KCNH1: variants seen among roughly 807,000 people sequenced by gnomAD.
The protein encoded by KCNH1 is voltage-gated delayed rectifier potassium channel KCNH1.
In KCNH1, 27 loss-of-function variants were observed where a neutral mutation model predicts 69.2. The observed-to-expected ratio is 0.39, with a 90% confidence interval of 0.29 to 0.54. The LOEUF (loss-of-function observed/expected upper bound fraction) is 0.54. Ranked by LOEUF, KCNH1 falls within the 20% of genes least tolerant of loss-of-function variation. The pLI is 0.68. For missense variants in KCNH1, 798 were observed against 1,261.6 expected (o/e 0.63, Z 5.57); for synonymous variants, 456 against 487.7 (o/e 0.93, Z 0.86).
intron 10 of KCNH1, among the ~76,000 whole-genome samples, chr1:210,774,757 C>A (rs1202038975): frequency 6.6e-6 from 1 of 152,122 alleles, no homozygotes; most frequent in East Asian, 1.9e-4. Context: ...GTGAAAGAAA[C>A]AATTTCAGGT....
At chr1:211,126,502 T>C (rs1223389638) in intron 1 of KCNH1, among the ~76,000 whole-genome samples, 2 of 142,474 alleles carry the variant, frequency 1.4e-5, no homozygotes, top group African/African-American at 5.3e-5. Context: ...AGAGCGAGAC[T>C]CTGTCTCCAA....
intron 6 of KCNH1, among the ~76,000 whole-genome samples, chr1:211,006,009 A>G (rs1475716004): frequency 6.6e-6 from 1 of 152,188 alleles, no homozygotes; most frequent in African/African-American, 2.4e-5. Context: ...AAATCTCTTT[A>G]GTCATTCAAA....
intron 10 of KCNH1, among the ~76,000 whole-genome samples, chr1:210,707,611 C>T (rs544836227): frequency 1.2e-4 from 18 of 152,280 alleles, no homozygotes; most frequent in African/African-American, 4.3e-4. Context: ...GCTGGCCACA[C>T]AGAGGGAAAA....
chr1:210,896,443 T>A (rs1686868735), intron 7 of KCNH1, among the ~76,000 whole-genome samples: 1 of 152,172 alleles, frequency 6.6e-6, no homozygotes, highest in Non-Finnish European at 1.5e-5. Flanking sequence ...CATCAAAGAA[T>A]GCCTTTAAAA....
At chr1:211,036,777 T>A (rs77656500) in intron 5 of KCNH1, among the ~76,000 whole-genome samples, 30 of 152,316 alleles carry the variant, frequency 2.0e-4, no homozygotes, top group Middle Eastern at 3.4e-3. Context: ...GCTTCTATTG[T>A]CTTCCTTTGA....
intron 1 of KCNH1, among the ~76,000 whole-genome samples, chr1:211,113,953 G>GTC (rs57115003): frequency 0.019 from 2,511 of 132,802 alleles, 15 homozygotes; most frequent in African/African-American, 0.026. Context: ...CTCTCTCTCT[G>GTC]TCTCTCTCTC....
rs994940755 is a variant in KCNH1 at position 210,680,570 on chromosome 1, C to T, written c.*2711G>A. On this transcript the variant is annotated 3_prime_UTR_variant, in exon 11 of 11. Coordinates refer to ENST00000271751, the MANE Select transcript of KCNH1 (RefSeq NM_172362.3). ...GGCACATGGTCCTGGCTCGGGAACC[C>T]AGAGTGGCATCCTGGCATGGGAAGG... The T allele has an allele frequency of 4.6e-5, 7 of 152,170 alleles. No individual in the cohort carries two copies. Among genetic ancestry groups the T allele is most frequent in the Non-Finnish European group, 8.8e-5 (6 of 68,088 alleles). 9.4% of individuals were successfully genotyped at this position (152,170 alleles called of 1,614,324 possible). A position where few individuals can be genotyped will look rare whatever the true frequency, so the allele number is the denominator to read the frequency against.
chr1:210,977,304 G>A (rs1387599556), intron 6 of KCNH1, among the ~76,000 whole-genome samples: 2 of 152,134 alleles, frequency 1.3e-5, no homozygotes, highest in African/African-American at 2.4e-5. Context: ...TGAGGTGGGG[G>A]GAGTGGGGAG....
chr1:211,119,985 C>T (rs1691658288), intron 1 of KCNH1, among the ~76,000 whole-genome samples: 1 of 152,070 alleles, frequency 6.6e-6, no homozygotes, highest in Non-Finnish European at 1.5e-5. Flanking sequence ...ACAATAAAAA[C>T]AGATGAACCA....
At chr1:210,733,949 T>TCA (rs142236390) in intron 10 of KCNH1, among the ~76,000 whole-genome samples, 8,645 of 80,312 alleles carry the variant, frequency 0.11, 285 homozygotes, top group Non-Finnish European at 0.13. Flanking sequence ...TCTGTCTGTC[T>TCA]CACACACACA....
chr1:210,892,321 C>T (rs758083248), intron 7 of KCNH1, among the ~76,000 whole-genome samples: 8 of 152,044 alleles, frequency 5.3e-5, no homozygotes, highest in Non-Finnish European at 1.2e-4. Flanking sequence ...CTATCAGTAC[C>T]TTCTTCCAGG....
chr1:210,967,366 C>A (rs1019979864), intron 6 of KCNH1, among the ~76,000 whole-genome samples: 3 of 151,770 alleles, frequency 2.0e-5, no homozygotes, highest in South Asian at 2.1e-4. Context: ...TAAAAAGATA[C>A]CCTCTGCTAT....
intron 1 of KCNH1, among the ~76,000 whole-genome samples, chr1:211,121,355 G>A (rs1319036908): frequency 1.1e-4 from 16 of 152,092 alleles, no homozygotes; most frequent in Admixed American, 1.0e-3. Context: ...GAGCAGAACA[G>A]AGACCTCAGA....
intron 4 of KCNH1, among the ~76,000 whole-genome samples, chr1:211,087,611 ACACACACACACACACACACACACACACG>A (rs1690977785): frequency 1.7e-5 from 1 of 59,408 alleles, no homozygotes. Context: ...AAGCATACAC[ACACACACACACACACACACACACACACG>A]CACACACACA....
intron 10 of KCNH1, among the ~76,000 whole-genome samples, chr1:210,751,661 G>A (rs1683287251): frequency 6.6e-6 from 1 of 152,012 alleles, no homozygotes; most frequent in Non-Finnish European, 1.5e-5. Flanking sequence ...GAGAAGAGGG[G>A]GGCTGAAAAT....
At chr1:211,047,059 T>C (rs146455232) in intron 5 of KCNH1, among the ~76,000 whole-genome samples, 20 of 152,356 alleles carry the variant, frequency 1.3e-4, no homozygotes, top group African/African-American at 2.9e-4. Context: ...GTAATCAATA[T>C]GTAAAATCAC....
At chr1:211,003,125 C>T (rs1341734413) in intron 6 of KCNH1, among the ~76,000 whole-genome samples, 1 of 152,062 alleles carries the variant, frequency 6.6e-6, no homozygotes, top group Admixed American at 6.6e-5. Context: ...CCACATGTGG[C>T]ACACACAGCC....
At chr1:210,764,886 C>T (rs184663956) in intron 10 of KCNH1, among the ~76,000 whole-genome samples, 1 of 152,204 alleles carries the variant, frequency 6.6e-6, no homozygotes, top group East Asian at 1.9e-4. Context: ...ATAAATTGTT[C>T]TACCAAAAAA....
chr1:210,922,383 CA>C (rs758026291), intron 6 of KCNH1, among the ~76,000 whole-genome samples: 6 of 98,320 alleles, frequency 6.1e-5, no homozygotes, highest in African/African-American at 1.4e-4. Context: ...GACTCCGTCT[CA>C]AAAAAAAAAA....
Sources: gnomAD v4.1 joint callset for allele counts (sites outside exome capture counted in the v4.1 genomes callset) on GRCh38, gnomAD v4.1.1 for gene constraint, MANE v1.5 for transcripts, NCBI Gene and HGNC (gene_info 2026-07-23, HGNC 2026-07-21) for gene names.